The following PTN variants were observed in gnomAD, a reference collection of about 807,000 sequenced individuals.
The protein encoded by PTN is pleiotrophin.
In PTN, 18 loss-of-function variants were observed where a neutral mutation model predicts 24.1. The observed-to-expected ratio is 0.75, with a 90% confidence interval of 0.52 to 1.11. The LOEUF (loss-of-function observed/expected upper bound fraction) is 1.11, where lower values mean the gene tolerates loss of function less well. Among genes scored for constraint, PTN ranks in the 50% least tolerant of loss-of-function variants. The probability of loss-of-function intolerance (pLI) is 0.00; values close to 1 mark genes in which losing one functional copy is unlikely to be tolerated. For synonymous variants in PTN, 78 were observed against 68.6 expected, an observed-to-expected ratio of 1.14 and a Z score of -0.67; for missense variants, 163 against 198.8, an observed-to-expected ratio of 0.82 and a Z score of 1.08.
intron 1 of PTN, among the ~76,000 whole-genome samples, chr7:137,281,089 T>C (rs1205795907): frequency 6.6e-6 from 1 of 152,108 alleles, no homozygotes; most frequent in East Asian, 1.9e-4. Context: ...AGACTATTTC[T>C]TGACTACTGG....
intron 1 of PTN, among the ~76,000 whole-genome samples, chr7:137,278,964 A>AATG (rs1478129950): frequency 6.9e-6 from 1 of 145,552 alleles, no homozygotes; most frequent in Non-Finnish European, 1.5e-5. Flanking sequence ...TAATAATAAT[A>AATG]ATAATAATAA....
At chr7:137,271,712 A>G (rs1809278617) in intron 1 of PTN, among the ~76,000 whole-genome samples, 1 of 152,172 alleles carries the variant, frequency 6.6e-6, no homozygotes, top group Non-Finnish European at 1.5e-5. Context: ...TTTCCTCCTA[A>G]TCCTTTTCAA....
chr7:137,261,506 G>A (rs916569620), intron 1 of PTN, among the ~76,000 whole-genome samples: 3 of 152,104 alleles, frequency 2.0e-5, no homozygotes, highest in Non-Finnish European at 4.4e-5. Flanking sequence ...TGACATCTAT[G>A]TAATCAGACA....
At chr7:137,237,109 T>C (rs1184195152) in intron 4 of PTN, among the ~76,000 whole-genome samples, 3 of 152,180 alleles carry the variant, frequency 2.0e-5, no homozygotes, top group Admixed American at 6.6e-5. Context: ...CTCCTAACCC[T>C]TGTATCTCAG....
At chr7:137,298,785 T>A (rs975444424) in intron 1 of PTN, among the ~76,000 whole-genome samples, 4 of 152,016 alleles carry the variant, frequency 2.6e-5, no homozygotes, top group African/African-American at 9.7e-5. Context: ...AAACAGTAAC[T>A]GTTTTGGTTT....
chr7:137,254,871 T>A lies in PTN; in HGVS notation c.103A>T (p.Lys35Ter). The A allele has an allele frequency of 6.4e-7, 1 of 1,559,704 alleles. No homozygotes were observed. The highest frequency in any genetic ancestry group is 1.2e-5 in the South Asian group (1 of 85,102). The stretch of plus-strand genomic sequence containing the variant: ...CCCTACTGCTTACCTGGTTTCTCTT[T>A]CTTCCCTGCTTCAGCAGTATCCACA... ...AAVDTAEAGK[K>*]EKPEKKVKKS... is the part of the protein sequence containing the mutation. Residue 35 changes from lysine to a stop codon, truncating the protein, a stop_gained, in exon 2 of 5, where the codon AAA (lysine) becomes TAA (stop). Transcript: ENST00000348225. LOFTEE classifies it high-confidence loss of function.
chr7:137,298,951 T>C (rs1049759566), intron 1 of PTN, among the ~76,000 whole-genome samples: 5 of 151,910 alleles, frequency 3.3e-5, no homozygotes, highest in Admixed American at 6.6e-5. Context: ...CTTGGTGAGC[T>C]TTGGAGTAAT....
At chr7:137,233,135 A>G (rs183878151) in intron 4 of PTN, among the ~76,000 whole-genome samples, 105 of 152,042 alleles carry the variant, frequency 6.9e-4, no homozygotes, top group African/African-American at 2.5e-3. Context: ...GCTGAATAGA[A>G]AACAAAATCT....
chr7:137,271,053 T>C (rs1467160418), intron 1 of PTN, among the ~76,000 whole-genome samples: 1 of 152,214 alleles, frequency 6.6e-6, no homozygotes, highest in African/African-American at 2.4e-5. Flanking sequence ...CTGATTGATA[T>C]TGTTCTCCCC....
At chr7:137,336,641 G>A (rs1327848407) in intron 1 of PTN, among the ~76,000 whole-genome samples, 1 of 152,182 alleles carries the variant, frequency 6.6e-6, no homozygotes, top group Non-Finnish European at 1.5e-5. Flanking sequence ...AGCATGTGGA[G>A]GGGCGAGGCC....
At chr7:137,301,646 CCCATGGAAAGTA>C (rs1330516073) in intron 1 of PTN, among the ~76,000 whole-genome samples, 1 of 151,692 alleles carries the variant, frequency 6.6e-6, no homozygotes, top group Non-Finnish European at 1.5e-5. Context: ...ATGTTGGATT[CCCATGGAAAGTA>C]CCAATGAGCT....
At chr7:137,328,931 A>G (rs1294272227) in intron 1 of PTN, among the ~76,000 whole-genome samples, 1 of 152,214 alleles carries the variant, frequency 6.6e-6, no homozygotes, top group Non-Finnish European at 1.5e-5. Flanking sequence ...GAAAGGAATC[A>G]TGAACCAGAA....
rs200310724 is a variant in PTN at position 137,253,471 on chromosome 7, T to C, written c.282A>G (p.Gln94=). ...RCKIPCNWKK[Q]FGAECKYQFQ... is the part of the protein sequence containing the mutation. ...CAGTAGCATGAGGCTTACCGCCAAATTGCTTCTTCCAGTTGCAGGGGATCT... is the reference window on the plus strand; with the variant it reads ...CAGTAGCATGAGGCTTACCGCCAAACTGCTTCTTCCAGTTGCAGGGGATCT... The change falls in exon 3 of 5, where the codon CAA becomes CAG. Residue 94 remains glutamine (Q), a synonymous_variant. Transcript: ENST00000348225. 11 of 1,606,020 alleles carry C rather than the reference T, an allele frequency of 6.8e-6. No homozygotes were observed. The highest frequency in any genetic ancestry group is 2.2e-5 in the East Asian group (1 of 44,602).
rs1037960163 is a variant in PTN at position 137,311,774 on chromosome 7, T to C, written c.-2+31665A>G. On this transcript the variant is annotated intron_variant, in intron 1 of 4. Coordinates refer to ENST00000348225, the MANE Select transcript of PTN (RefSeq NM_002825.7). ...GTAGTTCATGATACCCCAAAACAAT[T>C]ACAACAGTAACATCAAGATCACTGA... 2.3e-5 allele frequency among the ~76,000 whole-genome samples: 3 copies of C among 128,260 alleles called. 1 individual carries two copies. Among genetic ancestry groups the C allele is most frequent in the African/African-American group, 1.5e-4 (3 of 19,382 alleles). The allele number at this position is 128,260 out of a possible 152,430, so 84.1% of individuals were successfully genotyped here. A position where few individuals can be genotyped will look rare whatever the true frequency, so the allele number is the denominator to read the frequency against.
chr7:137,327,474 C>T (rs918624978), intron 1 of PTN, among the ~76,000 whole-genome samples: 13 of 151,942 alleles, frequency 8.6e-5, no homozygotes, highest in Admixed American at 8.5e-4. Context: ...TCATGTGTTA[C>T]CTGGGATGCT....
At chr7:137,335,945 T>C (rs1810441306) in intron 1 of PTN, among the ~76,000 whole-genome samples, 2 of 148,688 alleles carry the variant, frequency 1.3e-5, no homozygotes, top group Non-Finnish European at 3.0e-5. Context: ...TTTTTTTTTT[T>C]AGTATGACTC....
Position 137,343,675 on chromosome 7 carries a change from ATC to A in PTN, c.-240_-239del, listed in dbSNP as rs754258551. ...TTTGGACTGGAAGGCGGGGAACCTG[ATC>A]CTGCCTTTGACTCAATTACGCCCTG... On this transcript the variant is annotated 5_prime_UTR_variant, in exon 1 of 5. Transcript: ENST00000348225. 7.8e-6 allele frequency: 4 copies of A among 512,020 alleles called. No individual in the cohort carries two copies. In the Admixed American group the frequency reaches 7.9e-5, roughly 10 times the overall value. 31.7% of individuals were successfully genotyped at this position (512,020 alleles called of 1,614,324 possible). A position where few individuals can be genotyped will look rare whatever the true frequency, so the allele number is the denominator to read the frequency against.
chr7:137,332,770 T>C (rs1810380151), intron 1 of PTN, among the ~76,000 whole-genome samples: 1 of 152,172 alleles, frequency 6.6e-6, no homozygotes, highest in Non-Finnish European at 1.5e-5. Context: ...GACCAAAGTA[T>C]GTTTTTTAAG....
chr7:137,310,485 A>G (rs1700895237), intron 1 of PTN, among the ~76,000 whole-genome samples: 1 of 146,750 alleles, frequency 6.8e-6, no homozygotes, highest in Non-Finnish European at 1.5e-5. Context: ...GCAACCTCCG[A>G]CTCCCTGGCT....
Sources: gnomAD v4.1 joint callset for allele counts (sites outside exome capture counted in the v4.1 genomes callset) on GRCh38, gnomAD v4.1.1 for gene constraint, MANE v1.5 for transcripts, NCBI Gene and HGNC (gene_info 2026-07-23, HGNC 2026-07-21) for gene names.